SLC35F1: variants seen among roughly 807,000 people sequenced by gnomAD.
The protein encoded by SLC35F1 is solute carrier family 35 member F1.
Under a neutral mutation model 48.7 loss-of-function variants are expected in SLC35F1, and 14 were observed. The ratio of observed to expected loss-of-function variants is 0.29; its 90% CI spans 0.19 to 0.45. SLC35F1 has a LOEUF of 0.45. Among genes scored for constraint, SLC35F1 ranks in the 20% least tolerant of loss-of-function variants. The pLI is 1.00. For missense variants in SLC35F1, 404 were observed against 500.0 expected, an observed-to-expected ratio of 0.81 and a Z score of 1.83; for synonymous variants, 190 against 202.2, an observed-to-expected ratio of 0.94 and a Z score of 0.51.
Position 118,314,291 on chromosome 6 carries a change from C to T in SLC35F1, c.*39C>T, listed in dbSNP as rs1277907359. 1 of 1,582,106 alleles carries T rather than the reference C, an allele frequency of 6.3e-7. No homozygotes were observed. On this transcript the variant is annotated 3_prime_UTR_variant, in exon 8 of 8. Transcript: ENST00000360388. ...CTGCCAACTGAGGCCAACTCATTGGCCATGTTTTTGCCCATCATCTCTGTA... is the reference window on the plus strand; with the variant it reads ...CTGCCAACTGAGGCCAACTCATTGGTCATGTTTTTGCCCATCATCTCTGTA...
rs1776002393 is a variant in SLC35F1 at position 117,924,515 on chromosome 6, T to TATATACATATGTATATACATATATAC, written c.173+16621_173+16622insCATATGTATATACATATATACATATA. On this transcript the variant is annotated intron_variant, in intron 1 of 7. Coordinates refer to ENST00000360388, the MANE Select transcript of SLC35F1 (RefSeq NM_001029858.4). ...ATACATATGTATATACGTATATACA[T>TATATACATATGTATATACATATATAC]ATATATATGTCAAGTTCCATTCTGT... Among the ~76,000 whole-genome samples, 2 of 145,482 alleles carry TATATACATATGTATATACATATATAC rather than the reference T, an allele frequency of 1.4e-5. 1 individual carries two copies. Among genetic ancestry groups the TATATACATATGTATATACATATATAC allele is most frequent in the Non-Finnish European group, 3.0e-5 (2 of 67,552 alleles).
At chr6:118,018,259 T>G (rs1024678525) in intron 1 of SLC35F1, among the ~76,000 whole-genome samples, 1 of 151,900 alleles carries the variant, frequency 6.6e-6, no homozygotes, top group African/African-American at 2.4e-5. Flanking sequence ...TAATCCCAGC[T>G]ACTCGGGAGG....
At chr6:118,065,707 G>T (rs546176324) in intron 1 of SLC35F1, among the ~76,000 whole-genome samples, 1 of 152,200 alleles carries the variant, frequency 6.6e-6, no homozygotes, top group East Asian at 1.9e-4. Flanking sequence ...TAAATTTAAT[G>T]GAATTTTGTT....
chr6:117,940,730 C>A (rs1410096831), intron 1 of SLC35F1, among the ~76,000 whole-genome samples: 1 of 152,046 alleles, frequency 6.6e-6, no homozygotes, highest in African/African-American at 2.4e-5. Flanking sequence ...CTCCCTGCAG[C>A]CTCCACCTCC....
intron 2 of SLC35F1, among the ~76,000 whole-genome samples, chr6:118,224,832 A>C (rs990775536): frequency 5.9e-5 from 9 of 152,150 alleles, no homozygotes; most frequent in African/African-American, 1.9e-4. Flanking sequence ...TTTTCTAAAT[A>C]TAAGATCATA....
At chr6:118,090,416 A>G (rs192736528) in intron 1 of SLC35F1, among the ~76,000 whole-genome samples, 1 of 152,344 alleles carries the variant, frequency 6.6e-6, no homozygotes, top group Non-Finnish European at 1.5e-5. Flanking sequence ...GAAATTCTCA[A>G]AGCAATAAAG....
chr6:118,026,513 G>C (rs1771946417), intron 1 of SLC35F1, among the ~76,000 whole-genome samples: 1 of 152,160 alleles, frequency 6.6e-6, no homozygotes, highest in Admixed American at 6.5e-5. Flanking sequence ...CATCACTCTT[G>C]GTTCTCTGCT....
At chr6:117,989,289 C>G (rs1334783502) in intron 1 of SLC35F1, among the ~76,000 whole-genome samples, 2 of 152,230 alleles carry the variant, frequency 1.3e-5, no homozygotes, top group Non-Finnish European at 2.9e-5. Flanking sequence ...ATTCCTTTCT[C>G]TGTCCCCTAA....
chr6:118,205,908 C>T (rs1163909185), intron 2 of SLC35F1, among the ~76,000 whole-genome samples: 1 of 152,048 alleles, frequency 6.6e-6, no homozygotes, highest in African/African-American at 2.4e-5. Context: ...CCTGTGATTC[C>T]ACTTATATGA....
intron 6 of SLC35F1, among the ~76,000 whole-genome samples, chr6:118,280,793 C>T (rs1004950712): frequency 4.6e-5 from 7 of 151,858 alleles, no homozygotes; most frequent in African/African-American, 1.7e-4. Context: ...ATCACTTGAA[C>T]CCAGGAGGCG....
At chr6:118,003,726 AT>A (rs1582613483) in intron 1 of SLC35F1, among the ~76,000 whole-genome samples, 2 of 152,248 alleles carry the variant, frequency 1.3e-5, no homozygotes, top group East Asian at 3.8e-4. Context: ...TTCATACCTA[AT>A]TTTATATTAA....
intron 2 of SLC35F1, among the ~76,000 whole-genome samples, chr6:118,191,102 G>T (rs1415430751): frequency 6.6e-6 from 1 of 152,146 alleles, no homozygotes; most frequent in African/African-American, 2.4e-5. Flanking sequence ...CCTTCTAGAA[G>T]AGTAAAGGCC....
At chr6:117,930,067 T>G (rs1036715538) in intron 1 of SLC35F1, among the ~76,000 whole-genome samples, 2 of 152,200 alleles carry the variant, frequency 1.3e-5, no homozygotes, top group Admixed American at 6.5e-5. Context: ...TGTTAGGGCT[T>G]GAACCTATTT....
chr6:118,203,372 C>T (rs183026443), intron 2 of SLC35F1, among the ~76,000 whole-genome samples: 1 of 152,302 alleles, frequency 6.6e-6, no homozygotes, highest in Non-Finnish European at 1.5e-5. Flanking sequence ...CACAAGATAC[C>T]CTCCCCTCAG....
At chr6:118,185,834 T>A (rs1774648569) in intron 2 of SLC35F1, among the ~76,000 whole-genome samples, 1 of 152,114 alleles carries the variant, frequency 6.6e-6, no homozygotes, top group Admixed American at 6.5e-5. Context: ...AGATTGGGGT[T>A]TTTTTGTTGA....
intron 2 of SLC35F1, among the ~76,000 whole-genome samples, chr6:118,194,850 C>T (rs1481620297): frequency 6.6e-6 from 1 of 152,112 alleles, no homozygotes; most frequent in Non-Finnish European, 1.5e-5. Flanking sequence ...CTGCTTGCCA[C>T]ACTATAGCCC....
intron 1 of SLC35F1, among the ~76,000 whole-genome samples, chr6:117,922,616 C>G (rs757536615): frequency 6.6e-6 from 1 of 152,154 alleles, no homozygotes; most frequent in Non-Finnish European, 1.5e-5. Context: ...ATTGCTTTCC[C>G]TTTAAGAGCT....
intron 1 of SLC35F1, among the ~76,000 whole-genome samples, chr6:118,135,076 A>G (rs939126047): frequency 6.6e-5 from 10 of 152,188 alleles, no homozygotes; most frequent in African/African-American, 2.4e-4. Context: ...TGAGTAAAAC[A>G]TCCTCCTCTT....
chr6:118,275,581 G>T lies in SLC35F1; in HGVS notation c.760G>T (p.Gly254Cys). 1 of 1,613,678 alleles carries T rather than the reference G, an allele frequency of 6.2e-7. No individual in the cohort carries two copies. Among genetic ancestry groups the T allele is most frequent in the Non-Finnish European group, 8.5e-7 (1 of 1,179,844 alleles). ...LSRVEFLGMI[G>C]LFGAFFSGIQ... ...CCGAGTGGAATTCCTGGGAATGATT[G>T]GTCTCTTTGGAGCATTTTTCAGTGG... Residue 254 changes from glycine (G) to cysteine (C), a missense_variant, in exon 5 of 8, where the codon GGT (glycine) becomes TGT (cysteine). Gly to Cys is a radical substitution (Grantham distance 159). Coordinates refer to ENST00000360388, the MANE Select transcript of SLC35F1 (RefSeq NM_001029858.4).
Sources: gnomAD v4.1 joint callset for allele counts (sites outside exome capture counted in the v4.1 genomes callset) on GRCh38, gnomAD v4.1.1 for gene constraint, MANE v1.5 for transcripts, NCBI Gene and HGNC (gene_info 2026-07-23, HGNC 2026-07-21) for gene names.